PLCH1: variants seen among roughly 807,000 people sequenced by gnomAD.
PLCH1 encodes the protein 1-phosphatidylinositol 4,5-bisphosphate phosphodiesterase eta-1.
In PLCH1, 60 loss-of-function variants were observed where a neutral mutation model predicts 126.7. The observed-to-expected ratio is 0.47, with a 90% CI of 0.38 to 0.59. The LOEUF (loss-of-function observed/expected upper bound fraction) is 0.59. Ranked by LOEUF, PLCH1 falls within the 20% of genes least tolerant of loss-of-function variation. The probability of loss-of-function intolerance (pLI) is 0.00; values close to 1 mark genes in which losing one functional copy is unlikely to be tolerated. For missense variants in PLCH1, 1,723 were observed against 2,040.0 expected, an observed-to-expected ratio of 0.84 and a Z score of 2.99; for synonymous variants, 719 against 734.9, an observed-to-expected ratio of 0.98 and a Z score of 0.35.
intron 1 of PLCH1, among the ~76,000 whole-genome samples, chr3:155,707,662 T>TG (rs1166732494): frequency 1.5e-4 from 18 of 119,808 alleles, no homozygotes; most frequent in African/African-American, 6.0e-4. Flanking sequence ...AAACTCCATC[T>TG]CAAAAAAAAA....
chr3:155,516,878 C>A (rs1007474405), intron 11 of PLCH1, among the ~76,000 whole-genome samples: 1 of 152,074 alleles, frequency 6.6e-6, no homozygotes, highest in African/African-American at 2.4e-5. Flanking sequence ...TGGATAATTA[C>A]ACAAGCAGGA....
intron 2 of PLCH1, among the ~76,000 whole-genome samples, chr3:155,684,080 T>C (rs886927784): frequency 2.0e-5 from 3 of 152,208 alleles, no homozygotes; most frequent in Non-Finnish European, 4.4e-5. Flanking sequence ...TAAATGATAT[T>C]ATCTGCCCAG....
chr3:155,559,680 T>G (rs1467058010), intron 8 of PLCH1, among the ~76,000 whole-genome samples: 2 of 152,306 alleles, frequency 1.3e-5, no homozygotes, highest in East Asian at 3.9e-4. Context: ...TTACATATCC[T>G]TCAAAATTAT....
Position 155,482,171 on chromosome 3 carries a change from A to T in PLCH1, c.3855T>A (p.Ser1285Arg), listed in dbSNP as rs573544717. ...TTTCTAAGGCCGCTGTCTTGGCCTT[A>T]CTAGAAAGGTCATCATCTGGTTTGG... ...SKTKPDDDLS[S>R]KAKTAALESN... The change falls in exon 23 of 23, where the codon AGT becomes AGA. Residue 1285 changes from serine to arginine, a missense_variant. Coordinates refer to ENST00000460012, the MANE Select transcript of PLCH1 (RefSeq NM_014996.4). 8.7e-6 allele frequency: 14 copies of T among 1,614,186 alleles called. No homozygotes were observed. The East Asian group carries it at 2.5e-4, about 28-fold the overall frequency.
At chr3:155,637,869 G>A (rs895694897) in intron 2 of PLCH1, among the ~76,000 whole-genome samples, 17 of 152,280 alleles carry the variant, frequency 1.1e-4, no homozygotes, top group African/African-American at 4.1e-4. Flanking sequence ...GTGGGCTCTT[G>A]AATTGCGCTT....
intron 2 of PLCH1, among the ~76,000 whole-genome samples, chr3:155,627,768 G>T (rs1286525092): frequency 7.1e-6 from 1 of 140,248 alleles, no homozygotes; most frequent in Non-Finnish European, 1.5e-5. Flanking sequence ...AGTTATCGGA[G>T]ATTTTTTTTT....
chr3:155,722,253 TC>T (rs1748007728), intron 1 of PLCH1, among the ~76,000 whole-genome samples: 1 of 151,710 alleles, frequency 6.6e-6, no homozygotes. Flanking sequence ...AACCTCTGCC[TC>T]CCGGGTTCAA....
chr3:155,642,107 T>C, intron 2 of PLCH1, among the ~76,000 whole-genome samples: 1 of 152,348 alleles, frequency 6.6e-6, no homozygotes, highest in East Asian at 1.9e-4. Context: ...TGGAGTCATT[T>C]AATAATCTAA....
At chr3:155,555,618 A>G (rs1315289035) in intron 8 of PLCH1, among the ~76,000 whole-genome samples, 1 of 152,222 alleles carries the variant, frequency 6.6e-6, no homozygotes, top group Non-Finnish European at 1.5e-5. Flanking sequence ...CCTGTCTGAC[A>G]ATTCAATCTT....
At chr3:155,525,778 A>C (rs1479140717) in intron 10 of PLCH1, among the ~76,000 whole-genome samples, 1 of 152,178 alleles carries the variant, frequency 6.6e-6, no homozygotes, top group African/African-American at 2.4e-5. Flanking sequence ...ATAAGATATT[A>C]AGACAGTTAA....
chr3:155,741,512 A>G (rs1749617483), intron 1 of PLCH1, among the ~76,000 whole-genome samples: 1 of 152,176 alleles, frequency 6.6e-6, no homozygotes, highest in South Asian at 2.1e-4. Context: ...GAATGACAAG[A>G]GGAGATGTTT....
chr3:155,494,292 A>T (rs762600219), intron 16 of PLCH1, 44 bp from the exon 17 acceptor site: 1 of 1,610,526 alleles, frequency 6.2e-7, no homozygotes, highest in Non-Finnish European at 8.5e-7. Flanking sequence ...AGATGGTGGC[A>T]TAGTGAGAAT....
chr3:155,501,519 G>A (rs557509975), intron 13 of PLCH1, among the ~76,000 whole-genome samples: 4 of 152,282 alleles, frequency 2.6e-5, no homozygotes, highest in South Asian at 2.1e-4. Flanking sequence ...TGGGCCGGGC[G>A]TGGTGGCTCG....
At chr3:155,468,914 A>C (rs1297906633) in intron 21 of PLCH1, among the ~76,000 whole-genome samples, 1 of 152,214 alleles carries the variant, frequency 6.6e-6, no homozygotes, top group Non-Finnish European at 1.5e-5. Context: ...ACTACAGACA[A>C]AATAGATCTA....
Position 155,583,637 on chromosome 3 carries a change from G to A in PLCH1, c.606C>T (p.Ala202=), listed in dbSNP as rs368893813. The A allele has an allele frequency of 1.7e-5, 26 of 1,561,264 alleles. No homozygotes were observed. Among genetic ancestry groups the A allele is most frequent in the East Asian group, 7.1e-5 (3 of 42,310 alleles). Residue 202 remains alanine (A), a synonymous_variant, in exon 6 of 23, where the codon GCC becomes GCT. Coordinates refer to ENST00000460012, the MANE Select transcript of PLCH1 (RefSeq NM_014996.4). The part of the protein sequence containing the change: ...RRKVRQMFQE[A]DTDENQGTLT... ...AAGTTCCCTGATTCTCATCTGTGTC[G>A]GCTTCCTGAAAAGGGCATAGAGAAA...
chr3:155,722,866 C>G (rs1392593263), intron 1 of PLCH1, among the ~76,000 whole-genome samples: 1 of 152,150 alleles, frequency 6.6e-6, no homozygotes, highest in Admixed American at 6.5e-5. Flanking sequence ...CCCTCTTTCT[C>G]TAGCTTTTGG....
chr3:155,476,576 T>G (rs541279805), downstream of PLCH1, among the ~76,000 whole-genome samples: 2 of 152,226 alleles, frequency 1.3e-5, no homozygotes, highest in East Asian at 3.9e-4. Flanking sequence ...TTAGTAGAAC[T>G]GATAAACAAA....
At chr3:155,501,277 C>T (rs1717850658) in intron 13 of PLCH1, among the ~76,000 whole-genome samples, 1 of 152,082 alleles carries the variant, frequency 6.6e-6, no homozygotes, top group African/African-American at 2.4e-5. Flanking sequence ...CTCAAATGAT[C>T]ATCTAAATCA....
chr3:155,723,118 C>A (rs1748071077), intron 1 of PLCH1, among the ~76,000 whole-genome samples: 1 of 152,168 alleles, frequency 6.6e-6, no homozygotes, highest in Admixed American at 6.5e-5. Flanking sequence ...TAAAGGTGTT[C>A]ATAGTAGCCT....
Sources: allele counts gnomAD v4.1 joint callset (sites outside exome capture counted in the v4.1 genomes callset), GRCh38; gene constraint gnomAD v4.1.1; transcripts MANE v1.5; gene names NCBI Gene and HGNC (gene_info 2026-07-23, HGNC 2026-07-21).